FOXP2: variants seen among roughly 807,000 people sequenced by gnomAD.
The protein encoded by FOXP2 is forkhead box P2, also known as forkhead box protein P2.
In FOXP2, 12 loss-of-function variants were observed where a neutral mutation model predicts 115.8. The ratio of observed to expected loss-of-function variants is 0.10; its 90% CI spans 0.07 to 0.17. The LOEUF is 0.17. Ranked by LOEUF, FOXP2 falls within the 10% of genes least tolerant of loss-of-function variation. The pLI, the probability that FOXP2 is intolerant of heterozygous loss-of-function variation, is 1.00. For synonymous variants in FOXP2, 328 were observed against 297.7 expected, an observed-to-expected ratio of 1.10 and a Z score of -1.05; for missense variants, 629 against 843.5, an observed-to-expected ratio of 0.75 and a Z score of 3.15.
intron 10 of FOXP2, 83 bp downstream of exon 10, chr7:114,654,092 A>T: frequency 6.2e-7 from 1 of 1,607,116 alleles, no homozygotes; most frequent in Non-Finnish European, 8.5e-7. Context: ...TGACAGTTAG[A>T]AAACAATGAG....
At chr7:114,556,443 C>G (rs1328596853) in intron 3 of FOXP2, among the ~76,000 whole-genome samples, 1 of 152,122 alleles carries the variant, frequency 6.6e-6, no homozygotes, top group Non-Finnish European at 1.5e-5. Flanking sequence ...TGCATACATT[C>G]CTAGGGGTGA....
At chr7:114,505,142 T>G (rs184190499) in intron 2 of FOXP2, among the ~76,000 whole-genome samples, 25 of 151,674 alleles carry the variant, frequency 1.6e-4, no homozygotes, top group Non-Finnish European at 3.3e-4. Flanking sequence ...CCTCACTAAT[T>G]TATATGATAA....
At chr7:114,635,926 A>G (rs1010083983) in intron 6 of FOXP2, among the ~76,000 whole-genome samples, 2 of 152,186 alleles carry the variant, frequency 1.3e-5, no homozygotes, top group African/African-American at 2.4e-5. Context: ...TTAATATCAG[A>G]TGTATTCACA....
At chr7:114,317,796 T>A (rs1675954946) in intron 2 of FOXP2, among the ~76,000 whole-genome samples, 1 of 152,108 alleles carries the variant, frequency 6.6e-6, no homozygotes, top group South Asian at 2.1e-4. Flanking sequence ...ACAATCTAAT[T>A]TCAGATCTTA....
intron 2 of FOXP2, among the ~76,000 whole-genome samples, chr7:114,361,857 A>G (rs1035539866): frequency 1.3e-5 from 2 of 152,062 alleles, no homozygotes; most frequent in African/African-American, 4.8e-5. Flanking sequence ...GTTCTTGATA[A>G]AGATTGAAAA....
intron 3 of FOXP2, among the ~76,000 whole-genome samples, chr7:114,539,965 C>T (rs1033804796): frequency 2.0e-5 from 3 of 151,814 alleles, no homozygotes; most frequent in African/African-American, 7.3e-5. Context: ...ATAAAGATAC[C>T]CAACCTTTCA....
chr7:114,589,929 A>G (rs1584929844), intron 3 of FOXP2, among the ~76,000 whole-genome samples: 1 of 151,928 alleles, frequency 6.6e-6, no homozygotes, highest in East Asian at 1.9e-4. Flanking sequence ...TTCCAGCATT[A>G]GTATAGTTTT....
In FOXP2 at chr7:114,437,664, C is replaced by T. The variant is rs191096280; in HGVS notation, c.168+10985C>T. On this transcript the variant is annotated intron_variant, in intron 2 of 16. Coordinates refer to ENST00000350908, the MANE Select transcript of FOXP2 (RefSeq NM_014491.4). ...TACTATTTTTACTAATAATAAAAGG[C>T]TTTTTCCTCATATGGTTTTTAATAG... Among the ~76,000 whole-genome samples, 66 of 152,178 alleles carry T rather than the reference C, an allele frequency of 4.3e-4. 1 individual carries two copies. The highest frequency in any genetic ancestry group is 3.4e-3 in the Middle Eastern group (1 of 294).
intron 2 of FOXP2, among the ~76,000 whole-genome samples, chr7:114,361,120 A>C (rs1791735605): frequency 6.6e-6 from 1 of 152,268 alleles, no homozygotes; most frequent in African/African-American, 2.4e-5. Flanking sequence ...GTTTGATTTC[A>C]GAGGTCTCTC....
chr7:114,635,770 C>T (rs561470818), intron 6 of FOXP2, among the ~76,000 whole-genome samples: 1 of 151,864 alleles, frequency 6.6e-6, no homozygotes, highest in East Asian at 1.9e-4. Context: ...CAATTCTTTA[C>T]ATCTTGAGAG....
intron 6 of FOXP2, among the ~76,000 whole-genome samples, chr7:114,641,675 A>G (rs1805536879): frequency 6.6e-6 from 1 of 151,792 alleles, no homozygotes; most frequent in African/African-American, 2.4e-5. Flanking sequence ...TATTATTTTG[A>G]AATCTGTTTC....
intron 1 of FOXP2, among the ~76,000 whole-genome samples, chr7:114,204,010 C>A (rs1046062846): frequency 1.3e-5 from 2 of 152,088 alleles, no homozygotes; most frequent in African/African-American, 4.8e-5. Flanking sequence ...CCTCCCTTCC[C>A]TCAAATTTCA....
intron 1 of FOXP2, among the ~76,000 whole-genome samples, chr7:114,105,895 CT>C (rs1306869998): frequency 6.6e-6 from 1 of 152,082 alleles, no homozygotes; most frequent in African/African-American, 2.4e-5. Flanking sequence ...GTCTAGTGCT[CT>C]TTCCTCTGTA....
chr7:114,234,359 G>A (rs1226905768), intron 1 of FOXP2, among the ~76,000 whole-genome samples: 2 of 152,166 alleles, frequency 1.3e-5, no homozygotes, highest in Non-Finnish European at 2.9e-5. Flanking sequence ...GAGTGATCAA[G>A]AATGTGACTT....
At chr7:114,148,102 A>G (rs1033219032) in intron 1 of FOXP2, among the ~76,000 whole-genome samples, 25 of 152,226 alleles carry the variant, frequency 1.6e-4, no homozygotes, top group Non-Finnish European at 2.9e-5. Context: ...TCACAGCTTG[A>G]TAATACACTT....
At chr7:114,406,924 T>C (rs1456444241) in intron 2 of FOXP2, among the ~76,000 whole-genome samples, 1 of 151,988 alleles carries the variant, frequency 6.6e-6, no homozygotes, top group African/African-American at 2.4e-5. Context: ...GAAGTAAAGT[T>C]GGAAGCGTTT....
chr7:114,165,796 C>G (rs1043481013), intron 1 of FOXP2, among the ~76,000 whole-genome samples: 1 of 151,990 alleles, frequency 6.6e-6, no homozygotes, highest in Non-Finnish European at 1.5e-5. Flanking sequence ...AGGAAGAGGC[C>G]CACATTAGCC....
chr7:114,264,327 G>A (rs187885805), intron 1 of FOXP2, among the ~76,000 whole-genome samples: 312 of 152,202 alleles, frequency 2.0e-3, no homozygotes, highest in Non-Finnish European at 3.5e-3. Flanking sequence ...TTCATGGGGG[G>A]CAGGATTCTT....
chr7:114,099,240 G>A (rs568356847), intron 1 of FOXP2, among the ~76,000 whole-genome samples: 2 of 152,078 alleles, frequency 1.3e-5, no homozygotes, highest in Non-Finnish European at 2.9e-5. Context: ...CTCCAAAGAA[G>A]ACAAAGAAAT....
Sources: allele counts gnomAD v4.1 joint callset (sites outside exome capture counted in the v4.1 genomes callset), GRCh38; gene constraint gnomAD v4.1.1; transcripts MANE v1.5; gene names NCBI Gene and HGNC (gene_info 2026-07-23, HGNC 2026-07-21).